The following OSBPL8 variants were observed in gnomAD, a reference collection of about 807,000 sequenced individuals.
The protein encoded by OSBPL8 is oxysterol-binding protein-related protein 8.
OSBPL8 carries 59 observed loss-of-function variants against 125.5 expected under a neutral mutation model. That is an observed-to-expected ratio of 0.47 (90% CI 0.38 to 0.58). OSBPL8 has a LOEUF of 0.58. Among genes scored for constraint, OSBPL8 ranks in the 20% least tolerant of loss-of-function variants. The probability of loss-of-function intolerance (pLI) is 0.00; values close to 1 mark genes in which losing one functional copy is unlikely to be tolerated. For missense variants in OSBPL8, 758 were observed against 1,047.8 expected, an observed-to-expected ratio of 0.72 and a Z score of 3.82; for synonymous variants, 330 against 338.9, an observed-to-expected ratio of 0.97 and a Z score of 0.29.
chr12:76,544,170 A>T (rs888749728), intron 1 of OSBPL8, among the ~76,000 whole-genome samples: 1 of 152,160 alleles, frequency 6.6e-6, no homozygotes, highest in Non-Finnish European at 1.5e-5. Context: ...CAATTTTGGA[A>T]CTCCTCTTTT....
chr12:76,424,306 C>A (rs1246817245), intron 4 of OSBPL8, among the ~76,000 whole-genome samples: 1 of 152,026 alleles, frequency 6.6e-6, no homozygotes, highest in East Asian at 1.9e-4. Context: ...AGGCAAAACT[C>A]AATTTCTTGT....
In OSBPL8 at chr12:76,352,952, AT is replaced by A. The variant is rs771758555; in HGVS notation, c.*2936del. 8 of 152,500 alleles carry A rather than the reference AT, an allele frequency of 5.2e-5. No individual in the cohort carries two copies. Among genetic ancestry groups the A allele is most frequent in the Non-Finnish European group, 8.8e-5 (6 of 67,900 alleles). 9.4% of individuals were successfully genotyped at this position (152,500 alleles called of 1,614,324 possible). A position where few individuals can be genotyped will look rare whatever the true frequency, so the allele number is the denominator to read the frequency against. On this transcript the variant is annotated 3_prime_UTR_variant, in exon 24 of 24. Transcript: ENST00000261183. ...AGAATAGGTAAATAGACAAACCCCT[AT>A]AAAAGATAGTATTATTGTTTAAATA... is the stretch of plus-strand genomic sequence containing the variant.
intron 4 of OSBPL8, 63 bp downstream of exon 4, chr12:76,450,788 C>T: frequency 6.8e-7 from 1 of 1,465,086 alleles, no homozygotes; most frequent in Non-Finnish European, 9.2e-7. Flanking sequence ...TGTCATTCTC[C>T]CCTTCTCCCC....
At chr12:76,397,352 G>C (rs1377101259) in intron 8 of OSBPL8, among the ~76,000 whole-genome samples, 2 of 140,758 alleles carry the variant, frequency 1.4e-5, no homozygotes, top group African/African-American at 2.6e-5. Flanking sequence ...TGGGGAGGGG[G>C]GGTGGGGGCA....
chr12:76,458,330 T>C (rs892290794), intron 3 of OSBPL8, among the ~76,000 whole-genome samples: 1 of 151,982 alleles, frequency 6.6e-6, no homozygotes, highest in Non-Finnish European at 1.5e-5. Flanking sequence ...TTTTAAGATT[T>C]CTACCTCCTA....
intron 4 of OSBPL8, among the ~76,000 whole-genome samples, chr12:76,436,668 A>G (rs1045439438): frequency 6.6e-6 from 1 of 152,214 alleles, no homozygotes; most frequent in African/African-American, 2.4e-5. Flanking sequence ...TCATGGTAGT[A>G]TACTCATTTT....
intron 1 of OSBPL8, among the ~76,000 whole-genome samples, chr12:76,550,465 A>G (rs116187854): frequency 4.5e-4 from 69 of 152,282 alleles, no homozygotes; most frequent in African/African-American, 1.6e-3. Flanking sequence ...ATTACAGGGG[A>G]AAAAACGTGT....
intron 2 of OSBPL8, among the ~76,000 whole-genome samples, chr12:76,470,070 G>A (rs1875948860): frequency 6.6e-6 from 1 of 152,160 alleles, no homozygotes; most frequent in Non-Finnish European, 1.5e-5. Context: ...TTTTGGTAAT[G>A]AAACATGAAT....
intron 21 of OSBPL8, among the ~76,000 whole-genome samples, chr12:76,364,409 C>G (rs550537874): frequency 1.3e-5 from 2 of 152,212 alleles, no homozygotes; most frequent in East Asian, 3.9e-4. Flanking sequence ...AACAGAAAAC[C>G]AAATACCGCA....
intron 4 of OSBPL8, among the ~76,000 whole-genome samples, chr12:76,427,171 C>T (rs1162197909): frequency 6.6e-6 from 1 of 151,970 alleles, no homozygotes; most frequent in East Asian, 1.9e-4. Context: ...GCTCAAAATG[C>T]CTGAGAAACT....
chr12:76,400,860 C>A (rs1323953394), intron 6 of OSBPL8, among the ~76,000 whole-genome samples: 1 of 150,666 alleles, frequency 6.6e-6, no homozygotes, highest in Non-Finnish European at 1.5e-5. Flanking sequence ...GGAATCTCAG[C>A]TCACTACAAC....
intron 1 of OSBPL8, among the ~76,000 whole-genome samples, chr12:76,489,667 CA>C (rs1878506446): frequency 6.6e-6 from 1 of 152,246 alleles, no homozygotes; most frequent in South Asian, 2.1e-4. Context: ...TGCACTTGGT[CA>C]CCCAAAAGTT....
chr12:76,356,020 T>G lies in OSBPL8; in HGVS notation c.2539A>C (p.Asn847His), dbSNP rs751890402. The change falls in exon 24 of 24, where the codon AAT (asparagine) becomes CAT (histidine). Residue 847 changes from asparagine (N) to histidine (H), a missense_variant and splice_region_variant. Around this residue, in one of 3 missense-constraint regions of OSBPL8, gnomAD observed 572 missense variants for 762.0 expected, o/e 0.75. Transcript: ENST00000261183. ...IKQTQEEIKR[N>H]IMALRNHLVS... is the part of the protein sequence containing the mutation. ...AAATGATTTCGAAGAGCCATAATATTTCTATAAAAATAAGCAACAACAAAT... is the reference window on the plus strand; with the variant it reads ...AAATGATTTCGAAGAGCCATAATATGTCTATAAAAATAAGCAACAACAAAT... 2 of 1,604,258 alleles carry G rather than the reference T, an allele frequency of 1.2e-6. No individual in the cohort carries two copies. Among genetic ancestry groups the G allele is most frequent in the Non-Finnish European group, 1.7e-6 (2 of 1,177,270 alleles).
chr12:76,367,450 C>T (rs1952462897), intron 21 of OSBPL8, among the ~76,000 whole-genome samples: 1 of 151,930 alleles, frequency 6.6e-6, no homozygotes, highest in East Asian at 1.9e-4. Context: ...CTATTTCTGC[C>T]TATGGATCTA....
At chr12:76,449,673 A>G (rs541775847) in intron 4 of OSBPL8, among the ~76,000 whole-genome samples, 1 of 152,224 alleles carries the variant, frequency 6.6e-6, no homozygotes, top group Non-Finnish European at 1.5e-5. Context: ...ATTCTGTGCA[A>G]CAGAATGAGA....
chr12:76,450,410 G>C (rs1049345604), intron 4 of OSBPL8, among the ~76,000 whole-genome samples: 29 of 152,068 alleles, frequency 1.9e-4, no homozygotes, highest in African/African-American at 7.0e-4. Context: ...AAACACTGTA[G>C]TTCTTAATAA....
rs560283493 is a variant in OSBPL8, at chr12:76,526,431, A to G, written c.-68+32966T>C. ...AACATTTCTCAGTAGTCAGTGTACC[A>G]ATTTCATAATTTTTGCTATGCACTA... On this transcript the variant is annotated intron_variant, in intron 1 of 23. Transcript: ENST00000261183. 9.9e-5 allele frequency among the ~76,000 whole-genome samples: 15 copies of G among 152,142 alleles called. No homozygotes were observed. The South Asian group carries it at 3.1e-3, about 32-fold the overall frequency.
chr12:76,501,701 C>A (rs570701557), intron 1 of OSBPL8, among the ~76,000 whole-genome samples: 2 of 152,342 alleles, frequency 1.3e-5, no homozygotes, highest in African/African-American at 2.4e-5. Flanking sequence ...CAAAGCTGAC[C>A]TGGCTAGAGC....
intron 2 of OSBPL8, among the ~76,000 whole-genome samples, chr12:76,462,494 T>C (rs559118256): frequency 3.3e-5 from 5 of 152,286 alleles, no homozygotes; most frequent in Non-Finnish European, 7.3e-5. Flanking sequence ...TTAACAAATA[T>C]TTACTTAGTA....
Sources: allele counts gnomAD v4.1 joint callset (sites outside exome capture counted in the v4.1 genomes callset), GRCh38; gene constraint gnomAD v4.1.1; regional missense constraint gnomAD v4.1.1; transcripts MANE v1.5; gene names NCBI Gene and HGNC (gene_info 2026-07-23, HGNC 2026-07-21).